RIMKLB: variants seen among roughly 807,000 people sequenced by gnomAD.
The protein encoded by RIMKLB is ribosomal modification protein rimK like family member B, also known as beta-citrylglutamate synthase B.
RIMKLB carries 7 observed loss-of-function variants against 32.0 expected under a neutral mutation model. That is an observed-to-expected ratio of 0.22 (90% CI 0.12 to 0.41). RIMKLB has a LOEUF of 0.41. Ranked by LOEUF, RIMKLB falls within the 10% of genes least tolerant of loss-of-function variation. The pLI is 1.00. For synonymous variants in RIMKLB, 172 were observed against 185.1 expected (o/e 0.93, Z 0.57); for missense variants, 289 against 498.7 (o/e 0.58, Z 4.00).
chr12:8,775,556 A>G lies in RIMKLB; in HGVS notation c.*1772A>G. 1 of 985,782 alleles carries G rather than the reference A, an allele frequency of 1.0e-6. No homozygotes were observed. The highest frequency in any genetic ancestry group is 1.2e-6 in the Non-Finnish European group (1 of 829,880). The allele number at this position is 985,782 out of a possible 1,614,324, so 61.1% of individuals were successfully genotyped here. ...ATTTTCCTTCAGATGGACCTTAAAC[A>G]TAATTTCTTGGACACTACTAGAGAG... On this transcript the variant is annotated 3_prime_UTR_variant, in exon 6 of 6. Coordinates refer to ENST00000535829, the MANE Select transcript of RIMKLB (RefSeq NM_001297776.2).
intron 1 of RIMKLB, among the ~76,000 whole-genome samples, chr12:8,705,402 G>T (rs763298711): frequency 1.3e-5 from 2 of 151,504 alleles, no homozygotes. Context: ...GCTTGAACCC[G>T]GGAGGCAGAG....
chr12:8,674,270 G>T, the RIMKLB span, among the ~76,000 whole-genome samples: 1 of 121,086 alleles, frequency 8.3e-6, no homozygotes, highest in Admixed American at 1.2e-4. Context: ...ACGGAGTCTC[G>T]CTCCATTGCC....
chr12:8,702,349 A>G (rs955246253), intron 1 of RIMKLB, among the ~76,000 whole-genome samples: 4 of 152,200 alleles, frequency 2.6e-5, no homozygotes, highest in African/African-American at 9.6e-5. Context: ...TGAGCTGGCA[A>G]AACAAAAATC....
chr12:8,773,014 T>C (rs1950529316), intron 5 of RIMKLB, among the ~76,000 whole-genome samples: 1 of 151,898 alleles, frequency 6.6e-6, no homozygotes, highest in Admixed American at 6.5e-5. Context: ...AATAATACTT[T>C]TGCCATCTAT....
intron 2 of RIMKLB, among the ~76,000 whole-genome samples, chr12:8,724,395 C>G (rs962099028): frequency 3.9e-5 from 6 of 152,086 alleles, no homozygotes; most frequent in Admixed American, 2.0e-4. Context: ...TCTTTAGGAT[C>G]ATTTACTTTT....
At chr12:8,740,334 C>T (rs1947387766) in intron 2 of RIMKLB, among the ~76,000 whole-genome samples, 2 of 152,140 alleles carry the variant, frequency 1.3e-5, no homozygotes, top group South Asian at 4.1e-4. Flanking sequence ...TCATTATAGA[C>T]TTATTTTTTA....
chr12:8,709,123 A>G (rs1378826152), intron 1 of RIMKLB, among the ~76,000 whole-genome samples: 3 of 152,170 alleles, frequency 2.0e-5, no homozygotes, highest in African/African-American at 7.2e-5. Context: ...TCTTACAGTT[A>G]TCTTATTGGG....
At chr12:8,695,294 T>C (rs974816315), upstream of RIMKLB, among the ~76,000 whole-genome samples, 9 of 146,912 alleles carry the variant, frequency 6.1e-5, no homozygotes. Flanking sequence ...CAAGAAAAAC[T>C]ACTTAAAATA....
At chr12:8,758,675 T>G (rs1591940568) in intron 5 of RIMKLB, among the ~76,000 whole-genome samples, 1 of 152,338 alleles carries the variant, frequency 6.6e-6, no homozygotes, top group Middle Eastern at 3.4e-3. Flanking sequence ...TTTCCGTGTT[T>G]AGGACTTTAA....
intron 2 of RIMKLB, among the ~76,000 whole-genome samples, chr12:8,732,663 C>T (rs1186708871): frequency 6.6e-6 from 1 of 152,008 alleles, no homozygotes; most frequent in Non-Finnish European, 1.5e-5. Flanking sequence ...AATTAAAATG[C>T]AGACACTTTG....
intron 5 of RIMKLB, among the ~76,000 whole-genome samples, chr12:8,768,432 C>T (rs906328172): frequency 2.6e-5 from 4 of 152,194 alleles, no homozygotes; most frequent in African/African-American, 4.8e-5. Context: ...GAAAACAGAG[C>T]TCCTGTACAA....
chr12:8,747,128 A>G (rs1948172688), intron 2 of RIMKLB, among the ~76,000 whole-genome samples: 2 of 152,302 alleles, frequency 1.3e-5, no homozygotes, highest in South Asian at 4.1e-4. Flanking sequence ...TACTATACGT[A>G]CAGGGGAAGA....
In RIMKLB at chr12:8,774,488, A is replaced by T. The variant is rs146878707; in HGVS notation, c.*704A>T. ...AATAACATTAATTCAATGTAGATAAAATTACACTAGTTTAAAATATGTGCA... is the reference window on the plus strand; with the variant it reads ...AATAACATTAATTCAATGTAGATAATATTACACTAGTTTAAAATATGTGCA... On this transcript the variant is annotated 3_prime_UTR_variant, in exon 6 of 6. Transcript: ENST00000535829. 1.0e-6 allele frequency: 1 copy of T among 982,856 alleles called. No homozygotes were observed. The highest frequency in any genetic ancestry group is 1.2e-6 in the Non-Finnish European group (1 of 827,212). 60.9% of individuals were successfully genotyped at this position (982,856 alleles called of 1,614,324 possible).
At position 8,773,478 on chromosome 12, in the gene RIMKLB, C is replaced by A. The variant is rs751989687; in HGVS notation, c.855C>A (p.Ile285=). 5.6e-6 allele frequency: 9 copies of A among 1,614,084 alleles called. No homozygotes were observed. Among genetic ancestry groups the A allele is most frequent in the African/African-American group, 1.3e-5 (1 of 74,940 alleles). ...AGGCCAATGCAAATGTAGGTTTCAT[C>A]GCCTTTGATAAGGCTTGTAATCTAG... ...VCEANANVGF[I]AFDKACNLDV... is the part of the protein sequence containing the mutation. Residue 285 remains isoleucine, a synonymous_variant, in exon 6 of 6, where the codon ATC becomes ATA. Transcript: ENST00000535829.
chr12:8,778,579 G>A (rs1457872384), downstream of RIMKLB, among the ~76,000 whole-genome samples: 3 of 152,136 alleles, frequency 2.0e-5, no homozygotes, highest in Non-Finnish European at 4.4e-5. Flanking sequence ...GTCAGGGATA[G>A]GACTACAACT....
At chr12:8,727,251 T>C (rs1016370918) in intron 2 of RIMKLB, among the ~76,000 whole-genome samples, 2 of 152,190 alleles carry the variant, frequency 1.3e-5, no homozygotes, top group African/African-American at 4.8e-5. Context: ...ATTGTTGTTT[T>C]TGAGAGAGAC....
At chr12:8,760,514 G>T (rs1402771347) in intron 5 of RIMKLB, among the ~76,000 whole-genome samples, 1 of 152,206 alleles carries the variant, frequency 6.6e-6, no homozygotes, top group African/African-American at 2.4e-5. Flanking sequence ...CTGAGGAATT[G>T]CCACACTGTC....
intron 2 of RIMKLB, among the ~76,000 whole-genome samples, chr12:8,737,568 C>G (rs1192662968): frequency 2.0e-5 from 3 of 152,016 alleles, no homozygotes; most frequent in Admixed American, 6.6e-5. Context: ...ATTTTTATAT[C>G]AGACTTTGAA....
chr12:8,687,150 C>T (rs1942601761), intron 1 of RIMKLB, among the ~76,000 whole-genome samples: 2 of 152,144 alleles, frequency 1.3e-5, no homozygotes, highest in Admixed American at 1.3e-4. Flanking sequence ...CAGGATGATC[C>T]GTTTACTGTG....
Sources: gnomAD v4.1 joint callset for allele counts (sites outside exome capture counted in the v4.1 genomes callset) on GRCh38, gnomAD v4.1.1 for gene constraint, MANE v1.5 for transcripts, NCBI Gene and HGNC (gene_info 2026-07-23, HGNC 2026-07-21) for gene names.